Variants in BIRC6 observed in about 807,000 individuals in gnomAD.
BIRC6 encodes baculoviral IAP repeat containing 6.
Under a neutral mutation model 503.3 loss-of-function variants are expected in BIRC6, and 98 were observed. The ratio of observed to expected loss-of-function variants is 0.19; its 90% confidence interval spans 0.17 to 0.23. The LOEUF (loss-of-function observed/expected upper bound fraction) is 0.23, where lower values mean the gene tolerates loss of function less well. BIRC6 is among the 10% of genes least tolerant of loss of function. The pLI, the probability that BIRC6 is intolerant of heterozygous loss-of-function variation, is 1.00. For synonymous variants in BIRC6, 2,240 were observed against 2,078.7 expected, an observed-to-expected ratio of 1.08 and a Z score of -2.11; for missense variants, 5,360 against 5,806.0, an observed-to-expected ratio of 0.92 and a Z score of 2.50.
rs142705134 is a variant in BIRC6 at position 32,375,792 on chromosome 2, G to A, written c.326-1796G>A. 1.5e-4 allele frequency among the ~76,000 whole-genome samples: 19 copies of A among 124,418 alleles called. 1 individual carries two copies. The highest frequency in any genetic ancestry group is 5.7e-4 in the African/African-American group (18 of 31,820). The allele number at this position is 124,418 out of a possible 152,430, so 81.6% of individuals were successfully genotyped here. Reference sequence around the variant, plus strand: ...GCTTTTTATTGTAATCATATGACTTGTCCCTGCCTTTTGGGAACACTTCGA... The same window carrying A: ...GCTTTTTATTGTAATCATATGACTTATCCCTGCCTTTTGGGAACACTTCGA... On this transcript the variant is annotated intron_variant, in intron 1 of 73. Coordinates refer to ENST00000421745, the MANE Select transcript of BIRC6 (RefSeq NM_016252.4).
intron 23 of BIRC6, among the ~76,000 whole-genome samples, chr2:32,456,317 A>G (rs556603754): frequency 2.0e-5 from 3 of 152,334 alleles, no homozygotes; most frequent in South Asian, 2.1e-4. Flanking sequence ...TGATTATGGC[A>G]TTAATCTATA....
chr2:32,504,963 CT>C, intron 49 of BIRC6, 41 bp from the exon 50 acceptor site: 1 of 1,508,274 alleles, frequency 6.6e-7, no homozygotes, highest in Admixed American at 1.9e-5. Flanking sequence ...TATTATGTTT[CT>C]TTTGCAAGTT....
intron 19 of BIRC6, 128 bp downstream of exon 19, chr2:32,442,583 G>C: frequency 2.7e-6 from 3 of 1,129,176 alleles, no homozygotes; most frequent in Middle Eastern, 2.6e-4. Flanking sequence ...TTCAAAAGTT[G>C]ATGAAGATTG....
intron 4 of BIRC6, 140 bp downstream of exon 4, chr2:32,389,083 A>C: frequency 1.7e-6 from 1 of 590,624 alleles, no homozygotes; most frequent in South Asian, 5.5e-5. Context: ...AAAAAAAATC[A>C]ATATGAATTA....
chr2:32,473,273 T>C, intron 33 of BIRC6, 34 bp downstream of exon 33: 1 of 1,482,504 alleles, frequency 6.7e-7, no homozygotes, highest in Non-Finnish European at 9.1e-7. Context: ...TTTTTAATGT[T>C]TGAGAATATT....
chr2:32,449,944 G>T (rs185251965), intron 22 of BIRC6, among the ~76,000 whole-genome samples: 1 of 152,078 alleles, frequency 6.6e-6, no homozygotes, highest in Non-Finnish European at 1.5e-5. Flanking sequence ...TGCCTTACAC[G>T]CATCTCACCA....
chr2:32,607,002 A>T (rs1001520877), intron 71 of BIRC6, among the ~76,000 whole-genome samples: 14 of 151,096 alleles, frequency 9.3e-5, no homozygotes, highest in Non-Finnish European at 2.1e-4. Context: ...AGTGAAACTC[A>T]GTCTTATTAA....
At chr2:32,614,359 G>A (rs1186357645) in intron 73 of BIRC6, among the ~76,000 whole-genome samples, 1 of 152,150 alleles carries the variant, frequency 6.6e-6, no homozygotes, top group Non-Finnish European at 1.5e-5. Context: ...ATTTAGATAT[G>A]TTTTTCACTT....
At chr2:32,454,470 T>G (rs368798023) in intron 23 of BIRC6, among the ~76,000 whole-genome samples, 2 of 122,994 alleles carry the variant, frequency 1.6e-5, no homozygotes, top group African/African-American at 5.8e-5. Context: ...TTCTTTCTTG[T>G]TTTCTGTGAT....
chr2:32,575,230 G>T lies in BIRC6; in HGVS notation c.13219G>T (p.Ala4407Ser), dbSNP rs765099292. 6.3e-5 allele frequency: 102 copies of T among 1,613,880 alleles called. No individual in the cohort carries two copies. The highest frequency in any genetic ancestry group is 8.4e-5 in the Non-Finnish European group (99 of 1,179,892). Residue 4407 changes from alanine (A) to serine (S), a missense_variant, in exon 66 of 74, where the codon GCC becomes TCC. Around this residue, in one of 16 missense-constraint regions of BIRC6, gnomAD observed 477 missense variants for 574.4 expected, o/e 0.83. Transcript: ENST00000421745. The part of the protein sequence containing the change: ...ELLRAIASCA[A>S]MVPLLLPLST... ...GCTTCGGGCCATTGCTTCTTGTGCT[G>T]CCATGGTGCCCCTATTGTTGCCCCT...
rs532928918 is a variant in BIRC6 at position 32,436,014 on chromosome 2, G to C, written c.3500-39G>C. 3.3e-6 allele frequency: 4 copies of C among 1,197,472 alleles called. No individual in the cohort carries two copies. The South Asian group carries it at 9.0e-5, about 27-fold the overall frequency. The allele number at this position is 1,197,472 out of a possible 1,614,324, so 74.2% of individuals were successfully genotyped here. A position where few individuals can be genotyped will look rare whatever the true frequency, so the allele number is the denominator to read the frequency against. On this transcript the variant is annotated intron_variant, in intron 14 of 73. Coordinates refer to ENST00000421745, the MANE Select transcript of BIRC6 (RefSeq NM_016252.4). ...GCTTATTAAATATTACATTTTAAAT[G>C]AATGAATTTAAAAGAAAAATATGTA...
At chr2:32,487,613 T>C in intron 40 of BIRC6, 34 bp from the exon 41 acceptor site, 4 of 1,590,616 alleles carry the variant, frequency 2.5e-6, no homozygotes, top group South Asian at 1.1e-5. Flanking sequence ...CCTGATACTT[T>C]ATGTATAAAA....
chr2:32,390,919 G>A (rs2039145933), intron 4 of BIRC6, among the ~76,000 whole-genome samples: 1 of 152,140 alleles, frequency 6.6e-6, no homozygotes, highest in South Asian at 2.1e-4. Context: ...TTTATATTCT[G>A]TAGTAGTAAT....
intron 2 of BIRC6, 53 bp from the exon 3 acceptor site, chr2:32,380,099 GT>G (rs2037405488): frequency 6.3e-6 from 8 of 1,260,550 alleles, no homozygotes; most frequent in Non-Finnish European, 8.5e-6. Context: ...TTAATTTTTT[GT>G]TGTTCTTGTG....
chr2:32,536,422 G>C (rs1219509659), intron 61 of BIRC6, among the ~76,000 whole-genome samples: 1 of 152,114 alleles, frequency 6.6e-6, no homozygotes, highest in East Asian at 1.9e-4. Flanking sequence ...TTTTCTTCTA[G>C]GGTTTTTATG....
rs567164357 is a variant in BIRC6, at chr2:32,357,131, C to G, written c.-31C>G. 15 of 1,455,758 alleles carry G rather than the reference C, an allele frequency of 1.0e-5. No individual in the cohort carries two copies. In the South Asian group the frequency reaches 1.1e-4, roughly 11 times the overall value. 90.2% of individuals were successfully genotyped at this position (1,455,758 alleles called of 1,614,324 possible). A position where few individuals can be genotyped will look rare whatever the true frequency, so the allele number is the denominator to read the frequency against. On this transcript the variant is annotated 5_prime_UTR_variant, in exon 1 of 74. Coordinates refer to ENST00000421745, the MANE Select transcript of BIRC6 (RefSeq NM_016252.4). This position sits in a 1 kb window ranked among gnomAD's most constrained non-coding sequence, Gnocchi z 4.9. ...TGCGGGCGCCTGACTTCACTTCCGG[C>G]TAACGCGCTCGGCTTGCCCCCTGGC...
chr2:32,408,535 T>C (rs1017156841), intron 9 of BIRC6, among the ~76,000 whole-genome samples: 1 of 152,218 alleles, frequency 6.6e-6, no homozygotes, highest in Non-Finnish European at 1.5e-5. Context: ...CTGGAACCTT[T>C]CCTTTGTGTG....
chr2:32,487,956 A>G (rs1024223462), intron 41 of BIRC6, among the ~76,000 whole-genome samples, 155 bp downstream of exon 41: 2 of 152,212 alleles, frequency 1.3e-5, no homozygotes, highest in Non-Finnish European at 2.9e-5. Flanking sequence ...TACCAAAGTA[A>G]TCACAGTTTC....
At chr2:32,416,546 T>G (rs1453339272) in intron 10 of BIRC6, among the ~76,000 whole-genome samples, 1 of 151,948 alleles carries the variant, frequency 6.6e-6, no homozygotes, top group Non-Finnish European at 1.5e-5. Flanking sequence ...TTTCCTAGGC[T>G]TATTAGAATG....
Sources: allele counts gnomAD v4.1 joint callset (sites outside exome capture counted in the v4.1 genomes callset), GRCh38; gene constraint gnomAD v4.1.1; regional missense constraint gnomAD v4.1.1; non-coding constraint Gnocchi (gnomAD v3.1); transcripts MANE v1.5; gene names NCBI Gene and HGNC (gene_info 2026-07-23, HGNC 2026-07-21).